EFNA5: variants seen among roughly 807,000 people sequenced by gnomAD.
EFNA5 encodes ephrin-A5.
A neutral mutation model predicts 22.9 loss-of-function variants in EFNA5; 5 were observed. The ratio of observed to expected loss-of-function variants is 0.22; its 90% CI spans 0.11 to 0.46. The LOEUF is 0.46. EFNA5 is among the 20% of genes least tolerant of loss of function. The pLI is 0.99. For missense variants in EFNA5, 237 were observed against 293.3 expected (o/e 0.81, Z 1.40); for synonymous variants, 113 against 112.2 (o/e 1.01, Z -0.04).
chr5:107,470,003 A>T (rs1248070241), intron 1 of EFNA5, among the ~76,000 whole-genome samples: 1 of 152,188 alleles, frequency 6.6e-6, no homozygotes. Context: ...CAGTAATGCA[A>T]TTATAACTGT....
intron 1 of EFNA5, among the ~76,000 whole-genome samples, chr5:107,579,498 T>C (rs920089416): frequency 2.7e-5 from 4 of 150,794 alleles, no homozygotes; most frequent in African/African-American, 9.8e-5. Flanking sequence ...GACAAGAGGC[T>C]CCAAGAAACA....
intron 1 of EFNA5, among the ~76,000 whole-genome samples, chr5:107,637,718 T>A (rs1750408409): frequency 6.7e-6 from 1 of 148,582 alleles, no homozygotes; most frequent in Non-Finnish European, 1.5e-5. Context: ...CTACAGATTA[T>A]ATATAATATA....
chr5:107,552,557 G>A (rs1468502472), intron 1 of EFNA5, among the ~76,000 whole-genome samples: 2 of 152,168 alleles, frequency 1.3e-5, no homozygotes, highest in African/African-American at 2.4e-5. Context: ...TTCCATTAGT[G>A]AACAACATCT....
chr5:107,533,101 C>A (rs1306559286), intron 1 of EFNA5, among the ~76,000 whole-genome samples: 2 of 152,036 alleles, frequency 1.3e-5, no homozygotes, highest in Non-Finnish European at 2.9e-5. Context: ...CTTTGCAGAC[C>A]TTTGGGGACT....
intron 1 of EFNA5, among the ~76,000 whole-genome samples, chr5:107,576,569 T>C (rs1748932193): frequency 6.6e-6 from 1 of 152,212 alleles, no homozygotes; most frequent in Non-Finnish European, 1.5e-5. Flanking sequence ...CTAATTCAGA[T>C]ATTTTCCTGA....
At chr5:107,566,906 T>C (rs1422229414) in intron 1 of EFNA5, among the ~76,000 whole-genome samples, 2 of 152,236 alleles carry the variant, frequency 1.3e-5, no homozygotes, top group Admixed American at 1.3e-4. Context: ...TAATTAATCT[T>C]GACTAATCCT....
intron 2 of EFNA5, among the ~76,000 whole-genome samples, chr5:107,425,074 A>C (rs951546385): frequency 6.6e-6 from 1 of 152,210 alleles, no homozygotes; most frequent in African/African-American, 2.4e-5. Context: ...ATTTTGGAAC[A>C]ATTACTTTGA....
At chr5:107,561,714 C>T (rs1415947559) in intron 1 of EFNA5, among the ~76,000 whole-genome samples, 1 of 152,092 alleles carries the variant, frequency 6.6e-6, no homozygotes, top group Non-Finnish European at 1.5e-5. Context: ...TATGAATAAC[C>T]AGGTTTCCCT....
intron 1 of EFNA5, among the ~76,000 whole-genome samples, chr5:107,628,151 G>A (rs1443572896): frequency 2.0e-5 from 3 of 152,026 alleles, no homozygotes; most frequent in Non-Finnish European, 4.4e-5. Flanking sequence ...TAGGAATAAC[G>A]ATGCACCAAG....
chr5:107,403,167 G>A (rs999607189), intron 2 of EFNA5, among the ~76,000 whole-genome samples: 4 of 152,150 alleles, frequency 2.6e-5, no homozygotes, highest in Non-Finnish European at 5.9e-5. Context: ...ACCATCCACA[G>A]GGAAGCAGAA....
intron 1 of EFNA5, among the ~76,000 whole-genome samples, chr5:107,511,242 T>A (rs1747365291): frequency 6.6e-6 from 1 of 152,148 alleles, no homozygotes; most frequent in Non-Finnish European, 1.5e-5. Context: ...GTCAGGCTGG[T>A]CTCGAACTTC....
intron 1 of EFNA5, among the ~76,000 whole-genome samples, chr5:107,442,388 C>T (rs1749279138): frequency 6.6e-6 from 1 of 152,036 alleles, no homozygotes; most frequent in African/African-American, 2.4e-5. Context: ...TTTCCCAGGA[C>T]CTATAGATGT....
At chr5:107,476,735 T>TTCTCTGTC in intron 1 of EFNA5, among the ~76,000 whole-genome samples, 1 of 148,238 alleles carries the variant, frequency 6.7e-6, no homozygotes, top group South Asian at 2.2e-4. Flanking sequence ...TTTTTTCTCT[T>TTCTCTGTC]TCTCTCTCTC....
rs145301374 is a variant in EFNA5, at chr5:107,640,426, G to A, written c.125+30063C>T. Among the ~76,000 whole-genome samples, 771 of 152,316 alleles carry A rather than the reference G, an allele frequency of 5.1e-3. 11 individuals are homozygous for A. Among genetic ancestry groups the A allele is most frequent in the African/African-American group, 0.017 (696 of 41,570 alleles). ...ATGATTTGTAGAATTATGTGTAAAT[G>A]TTATTTTAATGTGAAGCTACTTCTA... is the stretch of plus-strand genomic sequence containing the variant. On this transcript the variant is annotated intron_variant, in intron 1 of 4. Transcript: ENST00000333274.
intron 2 of EFNA5, among the ~76,000 whole-genome samples, chr5:107,416,000 C>G (rs1460848787): frequency 1.3e-5 from 2 of 152,178 alleles, no homozygotes; most frequent in Non-Finnish European, 2.9e-5. Context: ...AATTTAACCT[C>G]TGAAAAATGA....
intron 1 of EFNA5, among the ~76,000 whole-genome samples, chr5:107,506,439 C>T (rs1287254267): frequency 5.9e-5 from 9 of 152,126 alleles, no homozygotes; most frequent in Non-Finnish European, 1.5e-5. Flanking sequence ...TAAAGGTTAC[C>T]TTAGCAAAGG....
chr5:107,593,907 T>C (rs1749424535), intron 1 of EFNA5, among the ~76,000 whole-genome samples: 1 of 152,216 alleles, frequency 6.6e-6, no homozygotes, highest in Non-Finnish European at 1.5e-5. Flanking sequence ...CTGGTATTTA[T>C]AATCCTTTTA....
intron 1 of EFNA5, among the ~76,000 whole-genome samples, chr5:107,529,460 G>A (rs1685993078): frequency 1.3e-5 from 2 of 152,088 alleles, no homozygotes; most frequent in African/African-American, 4.8e-5. Flanking sequence ...GATTCTCAGA[G>A]GATCTGGCTT....
intron 1 of EFNA5, among the ~76,000 whole-genome samples, chr5:107,523,192 T>G (rs532250004): frequency 6.6e-6 from 1 of 152,350 alleles, no homozygotes; most frequent in South Asian, 2.1e-4. Flanking sequence ...TGAAAGATTT[T>G]ACATATGCCA....
Sources: gnomAD v4.1 joint callset for allele counts (sites outside exome capture counted in the v4.1 genomes callset) on GRCh38, gnomAD v4.1.1 for gene constraint, MANE v1.5 for transcripts, NCBI Gene and HGNC (gene_info 2026-07-23, HGNC 2026-07-21) for gene names.